CAST: variants seen among roughly 807,000 people sequenced by gnomAD.
The protein encoded by CAST is MIR583 host.
A neutral mutation model predicts 119.6 loss-of-function variants in CAST; 76 were observed. That is an observed-to-expected ratio of 0.64 (90% CI 0.53 to 0.77). The LOEUF (loss-of-function observed/expected upper bound fraction) is 0.77, where lower values mean the gene tolerates loss of function less well. CAST is among the 30% of genes least tolerant of loss of function. The pLI, the probability that CAST is intolerant of heterozygous loss-of-function variation, is 0.00. For synonymous variants in CAST, 319 were observed against 331.6 expected, an observed-to-expected ratio of 0.96 and a Z score of 0.41; for missense variants, 953 against 946.5, an observed-to-expected ratio of 1.01 and a Z score of -0.09.
chr5:96,372,827 G>A, the CAST span, among the ~76,000 whole-genome samples: 8 of 152,102 alleles, frequency 5.3e-5, no homozygotes, highest in African/African-American at 1.9e-4. Context: ...CACCATCAAT[G>A]CTGACTGAAA....
At chr5:96,014,371 G>A in the CAST span, among the ~76,000 whole-genome samples, 2 of 151,372 alleles carry the variant, frequency 1.3e-5, no homozygotes, top group East Asian at 3.8e-4. Context: ...ATCTGCCTAA[G>A]TTAACTTTTT....
At chr5:96,073,794 C>G in the CAST span, among the ~76,000 whole-genome samples, 1 of 152,208 alleles carries the variant, frequency 6.6e-6, no homozygotes, top group Non-Finnish European at 1.5e-5. Flanking sequence ...CGACCCTGTT[C>G]CTAACAGCTC....
the CAST span, among the ~76,000 whole-genome samples, chr5:96,513,751 C>T: frequency 6.6e-6 from 1 of 152,114 alleles, no homozygotes; most frequent in African/African-American, 2.4e-5. Flanking sequence ...AAAATCTTAG[C>T]TTATTTGTTT....
At chr5:96,002,497 T>C in the CAST span, among the ~76,000 whole-genome samples, 1 of 152,182 alleles carries the variant, frequency 6.6e-6, no homozygotes, top group Non-Finnish European at 1.5e-5. Context: ...AGAGAGACTC[T>C]TTGGGATCCA....
the CAST span, among the ~76,000 whole-genome samples, chr5:96,289,654 C>G: frequency 6.6e-6 from 1 of 152,072 alleles, no homozygotes; most frequent in African/African-American, 2.4e-5. Flanking sequence ...TATAAATTAC[C>G]CAGTCTTGGA....
At chr5:96,656,363 G>A (rs973391656) in intron 1 of CAST, among the ~76,000 whole-genome samples, 6 of 152,310 alleles carry the variant, frequency 3.9e-5, no homozygotes, top group African/African-American at 9.6e-5. Context: ...AGGCTATAGC[G>A]TACGTCCCAG....
chr5:96,174,034 G>A, the CAST span, among the ~76,000 whole-genome samples: 1 of 152,124 alleles, frequency 6.6e-6, no homozygotes, highest in African/African-American at 2.4e-5. Context: ...GAGCCACCGC[G>A]CCCGGCCTGA....
intron 3 of CAST, among the ~76,000 whole-genome samples, chr5:96,718,296 C>T (rs1757547435): frequency 6.6e-6 from 1 of 152,080 alleles, no homozygotes; most frequent in Admixed American, 6.5e-5. Context: ...TGAAGAATTG[C>T]TCCCAAAATA....
At chr5:96,538,243 A>G (rs973863146) in intron 1 of CAST, among the ~76,000 whole-genome samples, 2 of 152,198 alleles carry the variant, frequency 1.3e-5, no homozygotes, top group Admixed American at 1.3e-4. Flanking sequence ...GGGCTCTTTA[A>G]AGGGATACAA....
chr5:96,414,659 C>A, the CAST span, among the ~76,000 whole-genome samples: 15 of 152,328 alleles, frequency 9.8e-5, no homozygotes, highest in African/African-American at 3.4e-4. Context: ...CACAAACTTG[C>A]TTTCATTACC....
At chr5:96,418,093 C>G in the CAST span, among the ~76,000 whole-genome samples, 1 of 152,196 alleles carries the variant, frequency 6.6e-6, no homozygotes, top group African/African-American at 2.4e-5. Context: ...ATTTATCTCT[C>G]CTTGTATATG....
intron 11 of CAST, among the ~76,000 whole-genome samples, chr5:96,739,559 T>C (rs6895375): frequency 0.038 from 5,723 of 152,332 alleles, 339 homozygotes; most frequent in African/African-American, 0.13. Flanking sequence ...CTAAAATAAC[T>C]TTAAATTGAT....
intron 9 of CAST, among the ~76,000 whole-genome samples, chr5:96,731,921 G>T (rs1318248015): frequency 2.0e-5 from 3 of 152,158 alleles, no homozygotes; most frequent in Non-Finnish European, 4.4e-5. Flanking sequence ...ATTTGGGTTG[G>T]TTCGAAGTCT....
intron 1 of CAST, among the ~76,000 whole-genome samples, chr5:96,667,647 A>G (rs180763638): frequency 1.3e-3 from 200 of 152,352 alleles, no homozygotes; most frequent in African/African-American, 4.1e-3. Context: ...CAGTGAAAAC[A>G]GAGGGATTTC....
rs185737646 is a variant in CAST at position 96,636,470 on chromosome 5, G to T, written c.61-39069G>T. ...AAAGCCTTCTCTGATTCCTTAAGAT[G>T]TCCCATAAATTTTCTTTAGCTGTCA... is the stretch of plus-strand genomic sequence containing the variant. On this transcript the variant is annotated intron_variant, in intron 1 of 11. Transcript: ENST00000505143. Among the ~76,000 whole-genome samples, 1,077 of 152,032 alleles carry T rather than the reference G, an allele frequency of 7.1e-3. 17 individuals are homozygous for T. The highest frequency in any genetic ancestry group is 0.025 in the African/African-American group (1,035 of 41,444).
At chr5:96,594,925 C>T in intron 1 of CAST, among the ~76,000 whole-genome samples, 1 of 152,144 alleles carries the variant, frequency 6.6e-6, no homozygotes, top group East Asian at 1.9e-4. Flanking sequence ...TCGAGAAAGG[C>T]AAGACCAAGG....
chr5:96,750,281 A>T (rs2150573972), intron 19 of CAST, among the ~76,000 whole-genome samples: 1 of 152,280 alleles, frequency 6.6e-6, no homozygotes, highest in East Asian at 1.9e-4. Context: ...GCATTGTCTT[A>T]TATAGGCCTC....
chr5:96,424,912 G>A, the CAST span, among the ~76,000 whole-genome samples: 6 of 148,732 alleles, frequency 4.0e-5, no homozygotes. Flanking sequence ...GCAGTGAGCT[G>A]AGATCATGCC....
chr5:96,471,982 G>A, the CAST span, among the ~76,000 whole-genome samples: 1 of 151,982 alleles, frequency 6.6e-6, no homozygotes, highest in Non-Finnish European at 1.5e-5. Flanking sequence ...ATTCTCTAAT[G>A]CAAAATAAAA....
Sources: gnomAD v4.1 joint callset for allele counts (sites outside exome capture counted in the v4.1 genomes callset) on GRCh38, gnomAD v4.1.1 for gene constraint, MANE v1.5 for transcripts, NCBI Gene and HGNC (gene_info 2026-07-23, HGNC 2026-07-21) for gene names.